ASTN2: variants seen among roughly 807,000 people sequenced by gnomAD.
ASTN2 encodes astrotactin 2, also known as astrotactin-2.
ASTN2 carries 54 observed loss-of-function variants against 139.8 expected under a neutral mutation model. That is an observed-to-expected ratio of 0.39 (90% CI 0.31 to 0.48). The LOEUF (loss-of-function observed/expected upper bound fraction) is 0.48, where lower values mean the gene tolerates loss of function less well. Ranked by LOEUF, ASTN2 falls within the 20% of genes least tolerant of loss-of-function variation. The pLI, the probability that ASTN2 is intolerant of heterozygous loss-of-function variation, is 0.95. For synonymous variants in ASTN2, 756 were observed against 719.5 expected (o/e 1.05, Z -0.81); for missense variants, 1,565 against 1,725.1 (o/e 0.91, Z 1.64).
At chr9:117,035,823 A>G (rs903213138) in intron 6 of ASTN2, among the ~76,000 whole-genome samples, 7 of 152,318 alleles carry the variant, frequency 4.6e-5, no homozygotes, top group African/African-American at 1.7e-4. Flanking sequence ...TCAAGTGTTA[A>G]CGTCTTCAAG....
intron 3 of ASTN2, among the ~76,000 whole-genome samples, chr9:117,194,814 A>T (rs970628690): frequency 6.6e-6 from 1 of 152,230 alleles, no homozygotes; most frequent in Non-Finnish European, 1.5e-5. Flanking sequence ...GATAAGGATA[A>T]TACATTCTTT....
At chr9:116,451,283 C>T (rs1317886798) in intron 20 of ASTN2, among the ~76,000 whole-genome samples, 1 of 152,208 alleles carries the variant, frequency 6.6e-6, no homozygotes, top group Non-Finnish European at 1.5e-5. Context: ...ATAGTATTAA[C>T]ACTTAAAATT....
intron 3 of ASTN2, among the ~76,000 whole-genome samples, chr9:117,148,605 C>T (rs1830254946): frequency 6.6e-6 from 1 of 152,194 alleles, no homozygotes; most frequent in Non-Finnish European, 1.5e-5. Flanking sequence ...ACTACTCCTC[C>T]CTGCTTTCCC....
chr9:117,108,224 AGTATTCCAT>A, intron 4 of ASTN2, among the ~76,000 whole-genome samples: 1 of 152,182 alleles, frequency 6.6e-6, no homozygotes, highest in Non-Finnish European at 1.5e-5. Flanking sequence ...TGTTATTCCC[AGTATTCCAT>A]GCTAGGTATT....
At chr9:116,979,948 C>A (rs10983442) in intron 7 of ASTN2, among the ~76,000 whole-genome samples, 2 of 151,956 alleles carry the variant, frequency 1.3e-5, no homozygotes, top group Non-Finnish European at 2.9e-5. Flanking sequence ...GTGCACTTAC[C>A]AGGCAAGTTT....
rs113094898 is a variant in ASTN2, at chr9:116,964,044, T to C, written c.1889+11164A>G. Among the ~76,000 whole-genome samples the C allele has an allele frequency of 6.4e-3, 970 of 152,248 alleles. 7 individuals are homozygous for C. Among genetic ancestry groups the C allele is most frequent in the Non-Finnish European group, 8.5e-3 (580 of 68,018 alleles). ...TGGAACTTTCCCTCAATTTTGTGCATAGTCCCCTTTTAAATCTCCCCAAGC... is the reference window on the plus strand; with the variant it reads ...TGGAACTTTCCCTCAATTTTGTGCACAGTCCCCTTTTAAATCTCCCCAAGC... On this transcript the variant is annotated intron_variant, in intron 10 of 22. Transcript: ENST00000313400.
At chr9:116,692,869 G>A (rs1038173512) in intron 16 of ASTN2, among the ~76,000 whole-genome samples, 1 of 152,036 alleles carries the variant, frequency 6.6e-6, no homozygotes, top group South Asian at 2.1e-4. Context: ...AGATTGCTAC[G>A]AATTCTAGCA....
At chr9:116,581,463 T>C (rs554701189) in intron 19 of ASTN2, among the ~76,000 whole-genome samples, 1 of 152,306 alleles carries the variant, frequency 6.6e-6, no homozygotes, top group South Asian at 2.1e-4. Context: ...TCAAGCCCAC[T>C]TCTCCTTTTG....
At chr9:116,985,618 A>T (rs113275907) in intron 7 of ASTN2, among the ~76,000 whole-genome samples, 1 of 152,224 alleles carries the variant, frequency 6.6e-6, no homozygotes, top group African/African-American at 2.4e-5. Context: ...GGAGAAAAGC[A>T]TGTGGCAAAG....
At chr9:116,996,956 T>C (rs2132561510) in intron 7 of ASTN2, among the ~76,000 whole-genome samples, 1 of 152,314 alleles carries the variant, frequency 6.6e-6, no homozygotes, top group South Asian at 2.1e-4. Flanking sequence ...CAGTAGATTA[T>C]ATTTATGATG....
chr9:116,513,104 T>A (rs1179324376), intron 19 of ASTN2, among the ~76,000 whole-genome samples: 1 of 152,236 alleles, frequency 6.6e-6, no homozygotes, highest in Non-Finnish European at 1.5e-5. Context: ...ATTGATGGTC[T>A]TTACAATTTG....
At chr9:116,758,704 C>A (rs1453156252) in intron 13 of ASTN2, among the ~76,000 whole-genome samples, 1 of 152,060 alleles carries the variant, frequency 6.6e-6, no homozygotes, top group Non-Finnish European at 1.5e-5. Flanking sequence ...GGCCTCGGAG[C>A]TTTCTCTGGG....
chr9:116,820,400 A>G (rs781411742), intron 12 of ASTN2, among the ~76,000 whole-genome samples: 6 of 152,174 alleles, frequency 3.9e-5, no homozygotes, highest in Non-Finnish European at 5.9e-5. Flanking sequence ...ACATTTATTA[A>G]CCCAATCTTT....
chr9:117,180,731 G>A lies in ASTN2; in HGVS notation c.1015+33627C>T, dbSNP rs1831041516. On this transcript the variant is annotated intron_variant, in intron 3 of 22. Transcript: ENST00000313400. Reference sequence around the variant, plus strand: ...GAGTGCAGGGCCCGCCACTTGTCCAGAGGGCCACGACTGGGGATGTACTTG... The same window carrying A: ...GAGTGCAGGGCCCGCCACTTGTCCAAAGGGCCACGACTGGGGATGTACTTG... 20 of 1,592,946 alleles carry A rather than the reference G, an allele frequency of 1.3e-5. No homozygotes were observed. The South Asian group carries it at 1.8e-4, about 14-fold the overall frequency.
chr9:117,089,087 T>G (rs1828638623), intron 5 of ASTN2, among the ~76,000 whole-genome samples: 1 of 152,216 alleles, frequency 6.6e-6, no homozygotes, highest in African/African-American at 2.4e-5. Flanking sequence ...TGAGGCTCCA[T>G]TTTCTCACTG....
At chr9:117,195,627 C>A (rs548016222) in intron 3 of ASTN2, among the ~76,000 whole-genome samples, 2 of 151,974 alleles carry the variant, frequency 1.3e-5, no homozygotes, top group African/African-American at 2.4e-5. Context: ...TAGGCTAGAG[C>A]CTCATTGTGA....
At chr9:116,681,856 C>A (rs1208130806) in intron 16 of ASTN2, among the ~76,000 whole-genome samples, 1 of 150,864 alleles carries the variant, frequency 6.6e-6, no homozygotes, top group East Asian at 1.9e-4. Context: ...CTTCCTTACA[C>A]CTTATACAAA....
chr9:117,092,299 CT>C (rs1828725570), intron 5 of ASTN2, among the ~76,000 whole-genome samples: 1 of 151,956 alleles, frequency 6.6e-6, no homozygotes, highest in Non-Finnish European at 1.5e-5. Context: ...CTGAAACAGT[CT>C]GAACTGCAGT....
intron 19 of ASTN2, among the ~76,000 whole-genome samples, chr9:116,507,656 C>A (rs1850168925): frequency 1.3e-5 from 2 of 152,206 alleles, no homozygotes; most frequent in Middle Eastern, 3.4e-3. Flanking sequence ...GATTCCCAGT[C>A]CAGATTCACT....
Sources: allele counts gnomAD v4.1 joint callset (sites outside exome capture counted in the v4.1 genomes callset), GRCh38; gene constraint gnomAD v4.1.1; transcripts MANE v1.5; gene names NCBI Gene and HGNC (gene_info 2026-07-23, HGNC 2026-07-21).